Variants in KRIT1 observed in about 807,000 individuals in gnomAD.
KRIT1 encodes the protein KRIT1 ankyrin repeat containing, also known as krev interaction trapped protein 1.
KRIT1 carries 45 observed loss-of-function variants against 95.8 expected under a neutral mutation model. That is an observed-to-expected ratio of 0.47 (90% CI 0.37 to 0.60). The LOEUF is 0.60. Ranked by LOEUF, KRIT1 falls within the 20% of genes least tolerant of loss-of-function variation. The probability of loss-of-function intolerance (pLI) is 0.00; values close to 1 mark genes in which losing one functional copy is unlikely to be tolerated. For missense variants in KRIT1, 788 were observed against 877.5 expected (o/e 0.90, Z 1.29); for synonymous variants, 282 against 278.8 (o/e 1.01, Z -0.11).
chr7:92,223,010 T>C (rs1563267220), intron 12 of KRIT1, 32 bp from the exon 13 acceptor site: 2 of 1,397,166 alleles, frequency 1.4e-6, no homozygotes, highest in Admixed American at 3.4e-5. Context: ...GTAACGAACT[T>C]AAAAAATTAT....
At chr7:92,239,876 AATTTTTGT>A (rs1168734805) in intron 5 of KRIT1, among the ~76,000 whole-genome samples, 1 of 151,870 alleles carries the variant, frequency 6.6e-6, no homozygotes, top group African/African-American at 2.4e-5. Flanking sequence ...ACACCGGGCT[AATTTTTGT>A]ATTTTTGGTA....
Position 92,221,951 on chromosome 7 carries a change from T to C in KRIT1, c.1514A>G (p.Gln505Arg). 6.2e-7 allele frequency: 1 copy of C among 1,613,852 alleles called. No homozygotes were observed. Among genetic ancestry groups the C allele is most frequent in the Non-Finnish European group, 8.5e-7 (1 of 1,179,768 alleles). Residue 505 changes from glutamine to arginine, a missense_variant, in exon 14 of 19, where the codon CAG becomes CGG. Physicochemically the swap from Gln to Arg is conservative, Grantham distance 43 (BLOSUM62 1). Transcript: ENST00000394505. Reference protein sequence around the residue: ...TNLDPQRETPQLFLRRDVRLP... With the variant: ...TNLDPQRETPRLFLRRDVRLP... The stretch of plus-strand genomic sequence containing the variant: ...TCTCACATCTCTTCTTAGAAAAAGC[T>C]GAGGTGTTTCCCTTTGAGGATCCAG...
At position 92,221,884 on chromosome 7, in the gene KRIT1, T is replaced by C; in HGVS notation, c.1563+18A>G. On this transcript the variant is annotated intron_variant, in intron 14 of 18. Transcript: ENST00000394505. ...TTTTGTGCATTTAAATAACTGTAAA[T>C]AAGATTTCCAAGCAAACCTGTTTTT... 2 of 1,609,198 alleles carry C rather than the reference T, an allele frequency of 1.2e-6. No homozygotes were observed. Among genetic ancestry groups the C allele is most frequent in the Non-Finnish European group, 1.7e-6 (2 of 1,176,530 alleles).
chr7:92,231,429 T>C (rs1797258713), intron 10 of KRIT1, among the ~76,000 whole-genome samples: 1 of 152,178 alleles, frequency 6.6e-6, no homozygotes, highest in African/African-American at 2.4e-5. Flanking sequence ...CAAAAACTCT[T>C]GGGAATCCTG....
At chr7:92,209,425 C>T (rs1228679397) in intron 17 of KRIT1, among the ~76,000 whole-genome samples, 2 of 152,150 alleles carry the variant, frequency 1.3e-5, no homozygotes, top group Non-Finnish European at 2.9e-5. Context: ...AACTGTCCCT[C>T]TCTGCAGATG....
At chr7:92,230,763 G>C (rs1174027178) in intron 10 of KRIT1, among the ~76,000 whole-genome samples, 1 of 152,038 alleles carries the variant, frequency 6.6e-6, no homozygotes, top group Non-Finnish European at 1.5e-5. Context: ...GAGAGATGGG[G>C]ACAAAAAGTG....
chr7:92,221,368 G>A (rs1795104186), intron 14 of KRIT1, among the ~76,000 whole-genome samples: 1 of 152,152 alleles, frequency 6.6e-6, no homozygotes, highest in Non-Finnish European at 1.5e-5. Context: ...AAACCTGGGA[G>A]GTGGAGATTG....
At chr7:92,218,456 T>C (rs938184483) in intron 14 of KRIT1, among the ~76,000 whole-genome samples, 1 of 151,328 alleles carries the variant, frequency 6.6e-6, no homozygotes, top group Non-Finnish European at 1.5e-5. Context: ...TACTGGCTCA[T>C]TGTAACCTCT....
chr7:92,226,728 T>C (rs1483302209), intron 10 of KRIT1, 46 bp from the exon 11 acceptor site: 9 of 1,571,332 alleles, frequency 5.7e-6, no homozygotes, highest in Non-Finnish European at 7.8e-6. Flanking sequence ...AAAAAAAACT[T>C]ACCTAAAAAG....
chr7:92,203,462 A>C (rs2131135406), intron 17 of KRIT1, among the ~76,000 whole-genome samples: 1 of 152,334 alleles, frequency 6.6e-6, no homozygotes, highest in Non-Finnish European at 1.5e-5. Flanking sequence ...ACCTGTTTAG[A>C]TACCCAAGGA....
intron 3 of KRIT1, among the ~76,000 whole-genome samples, chr7:92,243,415 C>T (rs1399870466): frequency 1.3e-5 from 2 of 151,972 alleles, no homozygotes; most frequent in East Asian, 3.8e-4. Context: ...TCTTTCCCAG[C>T]TATGTTGAGA....
chr7:92,211,963 G>A (rs1792943752), intron 17 of KRIT1, among the ~76,000 whole-genome samples: 1 of 151,796 alleles, frequency 6.6e-6, no homozygotes, highest in South Asian at 2.1e-4. Flanking sequence ...AAAAAAGCCA[G>A]GCATGGTGTT....
chr7:92,235,788 T>G (rs954214775), intron 7 of KRIT1, 142 bp from the exon 8 acceptor site: 6 of 724,728 alleles, frequency 8.3e-6, no homozygotes, highest in Non-Finnish European at 1.3e-5. Context: ...AGTTAAGTAC[T>G]TTATTATTTT....
rs1259645333 is a variant in KRIT1 at position 92,244,115 on chromosome 7, A to C, written c.-116T>G. ...GATTAACAATGACTTCAAGATAATAAACGTTTACAAATTATGAGACAGACG... is the reference window on the plus strand; with the variant it reads ...GATTAACAATGACTTCAAGATAATACACGTTTACAAATTATGAGACAGACG... On this transcript the variant is annotated 5_prime_UTR_variant, in exon 3 of 19. Transcript: ENST00000394505. 6.6e-6 allele frequency: 1 copy of C among 152,210 alleles called. No individual in the cohort carries two copies. The highest frequency in any genetic ancestry group is 1.5e-5 in the Non-Finnish European group (1 of 68,014). 9.4% of individuals were successfully genotyped at this position (152,210 alleles called of 1,614,324 possible).
intron 17 of KRIT1, chr7:92,206,938 C>CAAAAAAAAAAAAAAAAAAAAAGAAAAA (rs199771149): frequency 1.4e-5 from 1 of 73,984 alleles, no homozygotes; most frequent in Non-Finnish European, 3.3e-5. Context: ...CCCAGGCAGA[C>CAAAAAAAAAAAAAAAAAAAAAGAAAAA]AAAAAAAAAA....
intron 5 of KRIT1, among the ~76,000 whole-genome samples, chr7:92,239,484 T>C (rs1799128963): frequency 6.6e-6 from 1 of 152,180 alleles, no homozygotes; most frequent in Non-Finnish European, 1.5e-5. Context: ...GATGAAAATT[T>C]ATCAGAGAAG....
chr7:92,219,135 G>T (rs997664539), intron 14 of KRIT1, among the ~76,000 whole-genome samples: 4 of 152,098 alleles, frequency 2.6e-5, no homozygotes, highest in African/African-American at 9.7e-5. Flanking sequence ...TAAGTAGCTG[G>T]GACTACAGAG....
At chr7:92,226,384 A>T in intron 11 of KRIT1, 142 bp downstream of exon 11, 1 of 699,286 alleles carries the variant, frequency 1.4e-6, no homozygotes, top group Non-Finnish European at 2.5e-6. Context: ...CAACTCATAT[A>T]TTCCGTTACT....
rs200603870 is a variant in KRIT1 at position 92,243,834 on chromosome 7, CA to C, written c.-3+167del. Reference sequence around the variant, plus strand: ...CTAAAACTTTCCATTGATTTAGATCCAAAAAAACCCTACAGATATTTCACTA... The same window carrying C: ...CTAAAACTTTCCATTGATTTAGATCCAAAAAACCCTACAGATATTTCACTA... On this transcript the variant is annotated intron_variant, in intron 3 of 18. Coordinates refer to ENST00000394505, the MANE Select transcript of KRIT1 (RefSeq NM_194454.3). Among the ~76,000 whole-genome samples the C allele has an allele frequency of 2.9e-3, 445 of 151,792 alleles. 4 individuals are homozygous for C. The highest frequency in any genetic ancestry group is 0.01 in the African/African-American group (423 of 41,422).
Sources: gnomAD v4.1 joint callset for allele counts (sites outside exome capture counted in the v4.1 genomes callset) on GRCh38, gnomAD v4.1.1 for gene constraint, MANE v1.5 for transcripts, NCBI Gene and HGNC (gene_info 2026-07-23, HGNC 2026-07-21) for gene names.